RPS6KA3: variants seen among roughly 807,000 people sequenced by gnomAD.
The protein encoded by RPS6KA3 is ribosomal protein S6 kinase alpha-3.
A neutral mutation model predicts 67.2 loss-of-function variants in RPS6KA3; 4 were observed. The observed-to-expected ratio is 0.06, with a 90% CI of 0.03 to 0.14. RPS6KA3 has a LOEUF of 0.14. Among genes scored for constraint, RPS6KA3 ranks in the 10% least tolerant of loss-of-function variants. The probability of loss-of-function intolerance (pLI) is 1.00; values close to 1 mark genes in which losing one functional copy is unlikely to be tolerated. For missense variants in RPS6KA3, 204 were observed against 559.0 expected, an observed-to-expected ratio of 0.36 and a Z score of 6.40; for synonymous variants, 182 against 183.7, an observed-to-expected ratio of 0.99 and a Z score of 0.07.
At chrX:20,188,202 T>C (rs2068034355) in intron 8 of RPS6KA3, among the ~76,000 whole-genome samples, 1 of 110,941 alleles carries the variant, frequency 9.0e-6, no homozygotes, top group Non-Finnish European at 1.9e-5. Context: ...GCCTCCCAAG[T>C]AACTGGGATT....
chrX:20,191,303 C>T (rs2068120096), intron 7 of RPS6KA3, among the ~76,000 whole-genome samples: 1 of 111,680 alleles, frequency 9.0e-6, no homozygotes, highest in Admixed American at 9.5e-5. Context: ...CAAGTCTTTG[C>T]TATTGTGAAT....
At chrX:20,171,604 T>C (rs73447128) in intron 15 of RPS6KA3, among the ~76,000 whole-genome samples, 154 of 111,596 alleles carry the variant, frequency 1.4e-3, no homozygotes, top group African/African-American at 4.7e-3. Context: ...TGTGTTGGGA[T>C]TGGTTTTATG....
chrX:20,207,091 T>C (rs2068590737), intron 3 of RPS6KA3, among the ~76,000 whole-genome samples: 1 of 111,896 alleles, frequency 8.9e-6, no homozygotes, highest in Non-Finnish European at 1.9e-5. Context: ...GGCTATCATG[T>C]AAATAATGGA....
intron 10 of RPS6KA3, among the ~76,000 whole-genome samples, chrX:20,179,472 A>C (rs912514909): frequency 9.0e-6 from 1 of 111,247 alleles, no homozygotes; most frequent in African/African-American, 3.3e-5. Flanking sequence ...AGACCATTTA[A>C]AAGGTAGTCA....
intron 1 of RPS6KA3, among the ~76,000 whole-genome samples, chrX:20,256,786 C>T (rs933347414): frequency 8.9e-6 from 1 of 111,955 alleles, no homozygotes; most frequent in Non-Finnish European, 1.9e-5. Flanking sequence ...CACATCATCT[C>T]TACAGGCCTC....
rs111559307 is a variant in RPS6KA3, at chrX:20,211,774, A to AAAC, written c.127-2373_127-2371dup. Among the ~76,000 whole-genome samples, 260 of 111,644 alleles carry AAAC rather than the reference A, an allele frequency of 2.3e-3. 3 individuals carry two copies. The highest frequency in any genetic ancestry group is 7.5e-3 in the African/African-American group (230 of 30,821). On this transcript the variant is annotated intron_variant, in intron 2 of 21. Coordinates refer to ENST00000379565, the MANE Select transcript of RPS6KA3 (RefSeq NM_004586.3). ...TTAAAAAACAAAAAAAACCAAACCA[A>AAAC]AACAACAACAACAACAACAAAACAA...
chrX:20,169,320 C>T, intron 16 of RPS6KA3, 82 bp downstream of exon 16: 3 of 670,884 alleles, frequency 4.5e-6, no homozygotes, highest in Non-Finnish European at 7.4e-6. Context: ...TCTTTGTCTA[C>T]CACATGATTT....
chrX:20,179,060 A>AT (rs2067778120), intron 10 of RPS6KA3, among the ~76,000 whole-genome samples: 1 of 111,221 alleles, frequency 9.0e-6, no homozygotes, highest in Non-Finnish European at 1.9e-5. Flanking sequence ...GAATACTTTA[A>AT]GCAGTTTAAT....
chrX:20,167,770 G>T, intron 16 of RPS6KA3, 23 bp from the exon 17 acceptor site: 1 of 1,002,026 alleles, frequency 1.0e-6, no homozygotes, highest in Non-Finnish European at 1.4e-6. Flanking sequence ...ACATCAAAAT[G>T]TAAATATTAT....
At chrX:20,215,512 T>C (rs73193575) in intron 2 of RPS6KA3, among the ~76,000 whole-genome samples, 7,927 of 111,414 alleles carry the variant, frequency 0.071, 318 homozygotes, top group Middle Eastern at 0.12. Flanking sequence ...ACTTAAATTT[T>C]TACTAATCAC....
At chrX:20,187,798 C>T (rs1203311430) in intron 9 of RPS6KA3, 30 bp downstream of exon 9, 1 of 1,168,230 alleles carries the variant, frequency 8.6e-7, no homozygotes, top group Admixed American at 2.2e-5. Context: ...ATCTCCTTCC[C>T]CTCTAAAAAA....
chrX:20,156,753 C>G (rs921149288), intron 20 of RPS6KA3, among the ~76,000 whole-genome samples: 4 of 110,886 alleles, frequency 3.6e-5, no homozygotes, highest in Non-Finnish European at 7.6e-5. Flanking sequence ...CCAGGCTGGT[C>G]TCCACCTCCT....
intron 1 of RPS6KA3, among the ~76,000 whole-genome samples, chrX:20,245,557 CTA>C (rs1231849629): frequency 3.6e-5 from 4 of 111,820 alleles, no homozygotes; most frequent in South Asian, 7.3e-4. Flanking sequence ...TATTATTTTA[CTA>C]GAGAAAATTA....
At chrX:20,175,102 T>G (rs867463093) in intron 14 of RPS6KA3, 62 bp downstream of exon 14, 16 of 1,038,561 alleles carry the variant, frequency 1.5e-5, no homozygotes, top group Middle Eastern at 5.1e-4. Flanking sequence ...AAAAGATCTA[T>G]TCACAGAATG....
At chrX:20,256,576 C>T (rs767413528) in intron 1 of RPS6KA3, among the ~76,000 whole-genome samples, 2 of 112,059 alleles carry the variant, frequency 1.8e-5, no homozygotes, top group African/African-American at 6.5e-5. Flanking sequence ...TGTAAGACAG[C>T]TGGTTAGAAA....
intron 1 of RPS6KA3, among the ~76,000 whole-genome samples, chrX:20,251,593 T>A (rs183770741): frequency 1.5e-4 from 17 of 113,297 alleles, no homozygotes; most frequent in Admixed American, 1.3e-3. Context: ...CTTTAAAGAT[T>A]CTTTAATTTT....
intron 2 of RPS6KA3, among the ~76,000 whole-genome samples, chrX:20,226,784 T>C (rs2069131990): frequency 8.9e-6 from 1 of 111,878 alleles, no homozygotes; most frequent in Non-Finnish European, 1.9e-5. Flanking sequence ...TTTGCCTTTA[T>C]GTGATAAATA....
chrX:20,226,820 T>G (rs2069133711), intron 2 of RPS6KA3, among the ~76,000 whole-genome samples: 1 of 111,698 alleles, frequency 9.0e-6, no homozygotes, highest in African/African-American at 3.3e-5. Context: ...TTTCTCTTGA[T>G]TCATCAATTT....
At chrX:20,189,497 G>A (rs2068070970) in intron 7 of RPS6KA3, among the ~76,000 whole-genome samples, 1 of 112,082 alleles carries the variant, frequency 8.9e-6, no homozygotes. Context: ...AGAACAACTG[G>A]AGAATGACAC....
Sources: gnomAD v4.1 joint callset for allele counts (sites outside exome capture counted in the v4.1 genomes callset) on GRCh38, gnomAD v4.1.1 for gene constraint, MANE v1.5 for transcripts, NCBI Gene and HGNC (gene_info 2026-07-23, HGNC 2026-07-21) for gene names.